FGF14: variants seen among roughly 807,000 people sequenced by gnomAD.
The protein encoded by FGF14 is fibroblast growth factor 14.
Under a neutral mutation model 25.5 loss-of-function variants are expected in FGF14, and 5 were observed. The ratio of observed to expected loss-of-function variants is 0.20; its 90% CI spans 0.10 to 0.41. FGF14 has a LOEUF of 0.41. FGF14 is among the 10% of genes least tolerant of loss of function. The pLI is 1.00. For synonymous variants in FGF14, 138 were observed against 118.3 expected (o/e 1.17, Z -1.08); for missense variants, 222 against 320.1 (o/e 0.69, Z 2.34).
At chr13:102,049,009 A>G (rs188762285) in intron 1 of FGF14, among the ~76,000 whole-genome samples, 3 of 152,194 alleles carry the variant, frequency 2.0e-5, no homozygotes, top group African/African-American at 7.2e-5. Flanking sequence ...AGATTCCAAG[A>G]AAGGGCAAAA....
At chr13:101,910,729 G>A (rs980745209) in intron 1 of FGF14, among the ~76,000 whole-genome samples, 1 of 151,880 alleles carries the variant, frequency 6.6e-6, no homozygotes, top group Non-Finnish European at 1.5e-5. Flanking sequence ...TTGAATGCTG[G>A]ACCATTATAG....
At chr13:102,033,151 A>G (rs2041294366) in intron 1 of FGF14, among the ~76,000 whole-genome samples, 2 of 152,124 alleles carry the variant, frequency 1.3e-5, no homozygotes, top group African/African-American at 4.8e-5. Flanking sequence ...TATTTATAGT[A>G]TCTTCATGAT....
intron 1 of FGF14, among the ~76,000 whole-genome samples, chr13:102,072,793 T>C (rs1221640780): frequency 6.6e-6 from 1 of 152,056 alleles, no homozygotes; most frequent in Non-Finnish European, 1.5e-5. Flanking sequence ...AGTTAGGAAA[T>C]AGAGAAATAA....
intron 1 of FGF14, among the ~76,000 whole-genome samples, chr13:102,247,779 C>T (rs1283506707): frequency 1.3e-5 from 2 of 152,078 alleles, no homozygotes; most frequent in Admixed American, 6.6e-5. Context: ...ACCATAATGG[C>T]ACATGCACAC....
chr13:101,868,909 A>G lies in FGF14; in HGVS notation c.305-81T>C, dbSNP rs916328650. On this transcript the variant is annotated intron_variant, in intron 2 of 4. Coordinates refer to ENST00000376143, the MANE Select transcript of FGF14 (RefSeq NM_004115.4). ...TAATTTTTTCTTTCTGATTTATTTT[A>G]TTTAAGAAACATCATCTTTGCCAAT... The G allele has an allele frequency of 7.8e-6, 7 of 900,332 alleles. No individual in the cohort carries two copies. The African/African-American group carries it at 9.9e-5, about 13-fold the overall frequency. The allele number at this position is 900,332 out of a possible 1,614,324, so 55.8% of individuals were successfully genotyped here.
intron 1 of FGF14, among the ~76,000 whole-genome samples, chr13:102,226,707 T>C (rs1412494471): frequency 6.6e-6 from 1 of 152,150 alleles, no homozygotes; most frequent in African/African-American, 2.4e-5. Context: ...GGGAACATCA[T>C]CTACTCTCTT....
intron 1 of FGF14, among the ~76,000 whole-genome samples, chr13:102,238,541 T>C (rs1014006333): frequency 6.6e-6 from 1 of 152,224 alleles, no homozygotes; most frequent in African/African-American, 2.4e-5. Flanking sequence ...ACTTCCCTCT[T>C]TAAGATGTAT....
At position 101,916,780 on chromosome 13, in the gene FGF14, G is replaced by A; in HGVS notation, c.-135C>T. ...AGGGGGTGCCAGGCGGGACTGGGGA[G>A]AGGGGAAGGGGGGCTCAGTCCTGAC... On this transcript the variant is annotated 5_prime_UTR_variant, in exon 1 of 5. Transcript: ENST00000376143. 1 of 753,146 alleles carries A rather than the reference G, an allele frequency of 1.3e-6. No homozygotes were observed. The highest frequency in any genetic ancestry group is 2.8e-5 in the East Asian group (1 of 35,208). 46.7% of individuals were successfully genotyped at this position (753,146 alleles called of 1,614,324 possible).
intron 1 of FGF14, among the ~76,000 whole-genome samples, chr13:101,909,138 C>G (rs2032606611): frequency 6.6e-6 from 1 of 152,136 alleles, no homozygotes; most frequent in Admixed American, 6.5e-5. Context: ...CATAAAAACC[C>G]TAGAAGTAAA....
intron 1 of FGF14, among the ~76,000 whole-genome samples, chr13:102,061,401 T>C (rs1028683271): frequency 6.6e-6 from 1 of 152,300 alleles, no homozygotes; most frequent in Admixed American, 6.5e-5. Context: ...TCCCAGAGGT[T>C]TGCGCGTGGG....
At chr13:102,065,917 T>G (rs1458272930) in intron 1 of FGF14, among the ~76,000 whole-genome samples, 1 of 152,066 alleles carries the variant, frequency 6.6e-6, no homozygotes, top group African/African-American at 2.4e-5. Flanking sequence ...ATTTTAAAAA[T>G]CATTACCTAT....
intron 1 of FGF14, among the ~76,000 whole-genome samples, chr13:102,195,160 C>A (rs1472880379): frequency 2.0e-5 from 3 of 152,074 alleles, no homozygotes; most frequent in Non-Finnish European, 4.4e-5. Flanking sequence ...TAAATAGAAT[C>A]CACATGAAGA....
intron 1 of FGF14, among the ~76,000 whole-genome samples, chr13:101,999,166 ATTT>A (rs1409953566): frequency 2.0e-5 from 3 of 152,242 alleles, no homozygotes; most frequent in African/African-American, 7.2e-5. Context: ...TCATTTTATA[ATTT>A]AACATTAAAG....
intron 3 of FGF14, among the ~76,000 whole-genome samples, chr13:101,843,736 C>T: frequency 6.6e-6 from 1 of 151,844 alleles, no homozygotes. Flanking sequence ...TTCTCCTAAT[C>T]TATGGTCAAT....
chr13:102,051,021 C>A (rs775593650), intron 1 of FGF14, among the ~76,000 whole-genome samples: 3 of 152,200 alleles, frequency 2.0e-5, no homozygotes, highest in Admixed American at 6.5e-5. Context: ...TTAGCTACCA[C>A]GTCTCCCAAA....
chr13:102,047,785 A>T (rs925792205), intron 1 of FGF14, among the ~76,000 whole-genome samples: 23 of 152,286 alleles, frequency 1.5e-4, no homozygotes, highest in African/African-American at 5.1e-4. Flanking sequence ...CATATGTAAC[A>T]AACCTGCATG....
chr13:102,182,343 G>A (rs1245210738), intron 1 of FGF14, among the ~76,000 whole-genome samples: 2 of 152,110 alleles, frequency 1.3e-5, no homozygotes, highest in South Asian at 2.1e-4. Context: ...CCTCTGGAGG[G>A]GCAGAGCCCT....
chr13:102,368,148 T>G (rs959883755), intron 1 of FGF14: 1 of 152,190 alleles, frequency 6.6e-6, no homozygotes, highest in Admixed American at 6.5e-5. Flanking sequence ...TTTATATTAC[T>G]AGGCCACTGA....
chr13:102,275,197 C>T (rs1388517262), intron 1 of FGF14, among the ~76,000 whole-genome samples: 1 of 150,138 alleles, frequency 6.7e-6, no homozygotes, highest in Non-Finnish European at 1.5e-5. Flanking sequence ...TAATGTCCTG[C>T]AGAAGCTGCT....
Sources: allele counts gnomAD v4.1 joint callset (sites outside exome capture counted in the v4.1 genomes callset), GRCh38; gene constraint gnomAD v4.1.1; transcripts MANE v1.5; gene names NCBI Gene and HGNC (gene_info 2026-07-23, HGNC 2026-07-21).